Variants in ZNF536 observed in about 807,000 individuals in gnomAD.
ZNF536 encodes the protein zinc finger protein 536.
In ZNF536, 13 loss-of-function variants were observed where a neutral mutation model predicts 84.5. The observed-to-expected ratio is 0.15, with a 90% confidence interval of 0.10 to 0.24. ZNF536 has a LOEUF of 0.24. ZNF536 is among the 10% of genes least tolerant of loss of function. ZNF536 has a pLI of 1.00. For missense variants in ZNF536, 1,536 were observed against 1,747.5 expected (o/e 0.88, Z 2.16); for synonymous variants, 811 against 742.5 (o/e 1.09, Z -1.50).
intron 3 of ZNF536, among the ~76,000 whole-genome samples, chr19:30,542,225 T>C (rs1357358961): frequency 6.6e-6 from 1 of 152,212 alleles, no homozygotes; most frequent in Non-Finnish European, 1.5e-5. Flanking sequence ...GAACTTGCTC[T>C]AAATAGCTCT....
At chr19:30,363,377 C>T (rs529389841) in intron 3 of ZNF536, among the ~76,000 whole-genome samples, 7 of 152,236 alleles carry the variant, frequency 4.6e-5, no homozygotes, top group South Asian at 2.1e-4. Flanking sequence ...GCTGTGGATT[C>T]GCGGGGACCT....
chr19:30,495,845 G>T (rs1317439022), intron 2 of ZNF536, among the ~76,000 whole-genome samples: 1 of 152,218 alleles, frequency 6.6e-6, no homozygotes, highest in African/African-American at 2.4e-5. Context: ...CACAGCAAGA[G>T]ACTCCAGTAG....
chr19:30,680,245 T>TTTTAC (rs2050912943), intron 1 of ZNF536, among the ~76,000 whole-genome samples: 1 of 150,802 alleles, frequency 6.6e-6, no homozygotes, highest in South Asian at 2.1e-4. Flanking sequence ...TTTTATTTTA[T>TTTTAC]TTTATTTTAT....
At chr19:30,250,015 A>G (rs1203306383) in intron 1 of ZNF536, among the ~76,000 whole-genome samples, 2 of 152,176 alleles carry the variant, frequency 1.3e-5, no homozygotes, top group Non-Finnish European at 2.9e-5. Flanking sequence ...TTGATTTTTA[A>G]AAGCAATTCA....
chr19:30,517,556 G>C (rs963307348), intron 2 of ZNF536, among the ~76,000 whole-genome samples: 1 of 152,126 alleles, frequency 6.6e-6, no homozygotes, highest in African/African-American at 2.4e-5. Flanking sequence ...TGAGTGAAAT[G>C]TCCCAAATTT....
chr19:30,323,674 G>A (rs538776228), intron 2 of ZNF536, among the ~76,000 whole-genome samples: 12 of 152,194 alleles, frequency 7.9e-5, no homozygotes, highest in African/African-American at 1.7e-4. Flanking sequence ...CTGTCTAGAG[G>A]AAGCCATCCT....
chr19:30,700,489 G>A (rs1468449772), intron 1 of ZNF536, among the ~76,000 whole-genome samples: 5 of 152,026 alleles, frequency 3.3e-5, no homozygotes, highest in Non-Finnish European at 5.9e-5. Context: ...TTGGGCTCAA[G>A]TGACCCTCCT....
chr19:30,250,938 C>T (rs2024572408), intron 1 of ZNF536, among the ~76,000 whole-genome samples: 2 of 150,976 alleles, frequency 1.3e-5, no homozygotes, highest in Non-Finnish European at 2.9e-5. Context: ...ATTGCTTCCT[C>T]ATTTTTGAGG....
At chr19:30,407,786 C>T (rs935875698) in intron 1 of ZNF536, among the ~76,000 whole-genome samples, 12 of 152,160 alleles carry the variant, frequency 7.9e-5, no homozygotes, top group Admixed American at 7.2e-4. Flanking sequence ...TCTTCTGCAC[C>T]CTTCTTGATG....
intron 1 of ZNF536, among the ~76,000 whole-genome samples, chr19:30,405,560 G>T (rs190221114): frequency 6.6e-6 from 1 of 152,006 alleles, no homozygotes; most frequent in Non-Finnish European, 1.5e-5. Context: ...GTCTTCCAGG[G>T]AAAGCTTCTC....
At chr19:30,655,941 C>T (rs144634175) in intron 1 of ZNF536, among the ~76,000 whole-genome samples, 54 of 152,048 alleles carry the variant, frequency 3.6e-4, no homozygotes, top group African/African-American at 1.3e-3. Flanking sequence ...TGGGAGGCTG[C>T]AGTTGGAGGA....
chr19:30,566,768 G>A (rs772947561), intron 1 of ZNF536, among the ~76,000 whole-genome samples: 45 of 151,612 alleles, frequency 3.0e-4, no homozygotes, highest in Non-Finnish European at 5.7e-4. Context: ...TCTCCGGGCA[G>A]TGGAGGGATC....
intron 2 of ZNF536, among the ~76,000 whole-genome samples, chr19:30,483,538 T>C (rs1394538266): frequency 1.6e-5 from 2 of 126,208 alleles, no homozygotes; most frequent in African/African-American, 6.0e-5. Context: ...GTCCAGGCGG[T>C]TCCTTCTCAC....
chr19:30,635,135 C>T (rs534454312), intron 1 of ZNF536, among the ~76,000 whole-genome samples: 1 of 152,128 alleles, frequency 6.6e-6, no homozygotes, highest in South Asian at 2.1e-4. Context: ...ATACCATATC[C>T]CCATGCACAT....
chr19:30,325,765 C>T (rs1417901521), intron 2 of ZNF536, among the ~76,000 whole-genome samples: 2 of 152,208 alleles, frequency 1.3e-5, no homozygotes, highest in Admixed American at 6.5e-5. Flanking sequence ...GGCACAAAAT[C>T]AACCCAGATG....
intron 2 of ZNF536, among the ~76,000 whole-genome samples, chr19:30,466,061 A>T (rs971974956): frequency 1.5e-4 from 23 of 151,958 alleles, no homozygotes; most frequent in African/African-American, 4.4e-4. Context: ...AGAATTTTTT[A>T]AAAAATTAGC....
At chr19:30,236,660 T>C (rs1464663567) in intron 1 of ZNF536, among the ~76,000 whole-genome samples, 1 of 152,044 alleles carries the variant, frequency 6.6e-6, no homozygotes, top group African/African-American at 2.4e-5. Context: ...AAGGTAGCAA[T>C]TTTCCCCTTT....
At chr19:30,700,234 TTCTTTCTCTC>T (rs1425283303) in intron 1 of ZNF536, among the ~76,000 whole-genome samples, 2 of 130,900 alleles carry the variant, frequency 1.5e-5, no homozygotes, top group African/African-American at 5.7e-5. Flanking sequence ...CTTTCTTTCT[TTCTTTCTCTC>T]TCTCTCTCTC....
chr19:30,307,915 A>C lies in ZNF536; in HGVS notation c.-120+23774A>C, dbSNP rs139835501. ...GGTTACACATTCCTTTAACACTGGC[A>C]TGCTCCTCTAACCTTCCTGGGTGGC... On this transcript the variant is annotated intron_variant, in intron 2 of 5. Coordinates refer to the ZNF536 transcript ENST00000585628. Among the ~76,000 whole-genome samples, 6 of 152,358 alleles carry C rather than the reference A, an allele frequency of 3.9e-5. No homozygotes were observed. In the East Asian group the frequency reaches 1.2e-3, roughly 29 times the overall value.
Sources: gnomAD v4.1 joint callset for allele counts (sites outside exome capture counted in the v4.1 genomes callset) on GRCh38, gnomAD v4.1.1 for gene constraint, MANE v1.5 for transcripts, NCBI Gene and HGNC (gene_info 2026-07-23, HGNC 2026-07-21) for gene names.